AK8: variants seen among roughly 807,000 people sequenced by gnomAD.
AK8 encodes the protein adenylate kinase 8, also known as ATP-AMP transphosphorylase 8.
Under a neutral mutation model 54.6 loss-of-function variants are expected in AK8, and 44 were observed. The ratio of observed to expected loss-of-function variants is 0.81; its 90% CI spans 0.63 to 1.04. The LOEUF (loss-of-function observed/expected upper bound fraction) is 1.04, where lower values mean the gene tolerates loss of function less well. Ranked by LOEUF, AK8 falls within the 50% of genes least tolerant of loss-of-function variation. The pLI, the probability that AK8 is intolerant of heterozygous loss-of-function variation, is 0.00. For missense variants in AK8, 555 were observed against 613.6 expected (o/e 0.90, Z 1.01); for synonymous variants, 239 against 245.6 (o/e 0.97, Z 0.25).
intron 5 of AK8, among the ~76,000 whole-genome samples, chr9:132,852,469 G>C (rs1034318469): frequency 6.6e-6 from 1 of 152,050 alleles, no homozygotes; most frequent in African/African-American, 2.4e-5. Context: ...AATTAGCCGG[G>C]TGTGGTGGCA....
rs575785532 is a variant in AK8, at chr9:132,862,655, T to C, written c.333+1010A>G. On this transcript the variant is annotated intron_variant, in intron 4 of 12. Transcript: ENST00000298545. ...ATCCATACCTCTCATCTGTGAGAAC[T>C]GCCATCCCCCACCAACCAGGAGTCT... Among the ~76,000 whole-genome samples, 4 of 152,274 alleles carry C rather than the reference T, an allele frequency of 2.6e-5. No homozygotes were observed. In the South Asian group the frequency reaches 8.3e-4, roughly 32 times the overall value.
intron 11 of AK8, among the ~76,000 whole-genome samples, chr9:132,729,794 G>A (rs567561396): frequency 1.3e-5 from 2 of 152,252 alleles, no homozygotes; most frequent in South Asian, 2.1e-4. Context: ...GAAAACATCA[G>A]TGACAACAAA....
chr9:132,825,462 T>G (rs1793471654), intron 8 of AK8, among the ~76,000 whole-genome samples: 1 of 152,226 alleles, frequency 6.6e-6, no homozygotes, highest in South Asian at 2.1e-4. Context: ...TGGCATAAGA[T>G]AAATGTTGTG....
At chr9:132,739,901 C>A (rs1015759041) in intron 11 of AK8, among the ~76,000 whole-genome samples, 3 of 152,232 alleles carry the variant, frequency 2.0e-5, no homozygotes, top group African/African-American at 4.8e-5. Flanking sequence ...AAAGTAGTGG[C>A]AGAACAAGGC....
intron 10 of AK8, among the ~76,000 whole-genome samples, chr9:132,800,350 T>G (rs1840383870): frequency 6.6e-6 from 1 of 152,230 alleles, no homozygotes; most frequent in East Asian, 1.9e-4. Flanking sequence ...ACATGGGTTC[T>G]GCATCCCCCA....
intron 11 of AK8, among the ~76,000 whole-genome samples, chr9:132,778,442 G>C (rs1222054231): frequency 6.6e-6 from 1 of 152,198 alleles, no homozygotes; most frequent in African/African-American, 2.4e-5. Flanking sequence ...ATAAGGATCA[G>C]CTGCAGAAAT....
intron 10 of AK8, among the ~76,000 whole-genome samples, chr9:132,798,562 C>T (rs938100951): frequency 6.6e-6 from 1 of 152,194 alleles, no homozygotes; most frequent in Non-Finnish European, 1.5e-5. Flanking sequence ...CAGTTAACAT[C>T]TCACCCTTCA....
chr9:132,818,558 CAAAAT>C (rs1841436324), intron 9 of AK8, among the ~76,000 whole-genome samples: 1 of 151,380 alleles, frequency 6.6e-6, no homozygotes, highest in African/African-American at 2.4e-5. Flanking sequence ...CAACCACTAA[CAAAAT>C]AAAGCAAAGA....
chr9:132,795,819 G>C lies in AK8; in HGVS notation c.980-3044C>G, dbSNP rs114236150. On this transcript the variant is annotated intron_variant, in intron 10 of 12. Coordinates refer to ENST00000298545, the MANE Select transcript of AK8 (RefSeq NM_152572.3). ...ATCAACCAAATGATGGGAGGCTGAT[G>C]GTTTGACCGGGCCTAGGACGGCTAC... Among the ~76,000 whole-genome samples, 983 of 152,296 alleles carry C rather than the reference G, an allele frequency of 6.5e-3. 2 individuals are homozygous for C. The highest frequency in any genetic ancestry group is 0.019 in the African/African-American group (791 of 41,548).
chr9:132,824,276 A>C (rs1327266434), intron 8 of AK8, among the ~76,000 whole-genome samples: 1 of 152,232 alleles, frequency 6.6e-6, no homozygotes, highest in Non-Finnish European at 1.5e-5. Flanking sequence ...CAGCGTTCAA[A>C]ACAGGGCATC....
intron 11 of AK8, among the ~76,000 whole-genome samples, chr9:132,748,680 A>G (rs1477873970): frequency 6.6e-6 from 1 of 151,806 alleles, no homozygotes; most frequent in Non-Finnish European, 1.5e-5. Context: ...ACACACAGAC[A>G]CCATCTGCCC....
Position 132,810,697 on chromosome 9 carries a change from C to G in AK8, c.979+3941G>C, listed in dbSNP as rs540823175. ...AGAGGAGATGAGGAAACCAGGAGGCCGAGTGCTCCGTGACCTCATAAAAAA... is the reference window on the plus strand; with the variant it reads ...AGAGGAGATGAGGAAACCAGGAGGCGGAGTGCTCCGTGACCTCATAAAAAA... On this transcript the variant is annotated intron_variant, in intron 10 of 12. Transcript: ENST00000298545. Among the ~76,000 whole-genome samples the G allele has an allele frequency of 2.0e-5, 3 of 152,160 alleles. No homozygotes were observed. The South Asian group carries it at 6.2e-4, about 32-fold the overall frequency.
At chr9:132,839,648 C>G (rs1842455528) in intron 5 of AK8, among the ~76,000 whole-genome samples, 1 of 152,126 alleles carries the variant, frequency 6.6e-6, no homozygotes, top group Non-Finnish European at 1.5e-5. Context: ...CGCTTTGACT[C>G]CGGCAGGGGC....
At chr9:132,759,375 C>A (rs1162535537) in intron 11 of AK8, among the ~76,000 whole-genome samples, 1 of 152,084 alleles carries the variant, frequency 6.6e-6, no homozygotes. Flanking sequence ...TTGCAACTAG[C>A]CTATCCCAGA....
At chr9:132,784,565 A>C (rs1436473964) in intron 11 of AK8, among the ~76,000 whole-genome samples, 1 of 152,068 alleles carries the variant, frequency 6.6e-6, no homozygotes, top group Non-Finnish European at 1.5e-5. Context: ...GAAAGAAAGA[A>C]AGAGAAGGAA....
In AK8 at chr9:132,770,902, C is replaced by T. The variant is rs921663969; in HGVS notation, c.1121+21732G>A. 2.0e-5 allele frequency among the ~76,000 whole-genome samples: 3 copies of T among 152,150 alleles called. No individual in the cohort carries two copies. The highest frequency in any genetic ancestry group is 4.4e-5 in the Non-Finnish European group (3 of 68,006). On this transcript the variant is annotated intron_variant, in intron 11 of 12. Transcript: ENST00000298545. The surrounding 1 kb of genome is among the most constrained non-coding windows in gnomAD (Gnocchi z 4.3). ...CCTCCCCAGTCAGGGAGATGCTTCC[C>T]CCATCTCATCTCAGTGGGGAGGGAG... is the stretch of plus-strand genomic sequence containing the variant.
At chr9:132,829,080 C>T (rs890239314) in intron 5 of AK8, among the ~76,000 whole-genome samples, 18 of 151,978 alleles carry the variant, frequency 1.2e-4, no homozygotes, top group Admixed American at 1.1e-3. Context: ...CCTCAGCCTC[C>T]CAAGTAGCTG....
chr9:132,844,681 A>C (rs1842679927), intron 5 of AK8, among the ~76,000 whole-genome samples: 1 of 152,230 alleles, frequency 6.6e-6, no homozygotes, highest in Non-Finnish European at 1.5e-5. Context: ...AAATTGAAGG[A>C]GATATTTCTT....
At chr9:132,829,551 T>G (rs1477605562) in intron 5 of AK8, among the ~76,000 whole-genome samples, 2 of 152,038 alleles carry the variant, frequency 1.3e-5, no homozygotes, top group East Asian at 3.9e-4. Flanking sequence ...ACCCCACTTT[T>G]GTTTTCATTT....
Sources: allele counts gnomAD v4.1 joint callset (sites outside exome capture counted in the v4.1 genomes callset), GRCh38; gene constraint gnomAD v4.1.1; non-coding constraint Gnocchi (gnomAD v3.1); transcripts MANE v1.5; gene names NCBI Gene and HGNC (gene_info 2026-07-23, HGNC 2026-07-21).